The following NRXN1 variants were observed in gnomAD, a reference collection of about 807,000 sequenced individuals.
The protein encoded by NRXN1 is neurexin 1, also known as neurexin-1.
In NRXN1, 39 loss-of-function variants were observed where a neutral mutation model predicts 150.9. The observed-to-expected ratio is 0.26, with a 90% CI of 0.20 to 0.34. The LOEUF (loss-of-function observed/expected upper bound fraction) is 0.34. Ranked by LOEUF, NRXN1 falls within the 10% of genes least tolerant of loss-of-function variation. The probability of loss-of-function intolerance (pLI) is 1.00; values close to 1 mark genes in which losing one functional copy is unlikely to be tolerated. For missense variants in NRXN1, 1,815 were observed against 1,949.9 expected (o/e 0.93, Z 1.30); for synonymous variants, 924 against 757.0 (o/e 1.22, Z -3.62).
intron 5 of NRXN1, among the ~76,000 whole-genome samples, chr2:50,743,687 C>T (rs1386810472): frequency 6.6e-6 from 1 of 152,140 alleles, no homozygotes; most frequent in Admixed American, 6.5e-5. Flanking sequence ...ATCACGTGAT[C>T]TTTTAAACCC....
chr2:50,608,360 T>C (rs191939526), intron 8 of NRXN1, among the ~76,000 whole-genome samples: 1 of 152,286 alleles, frequency 6.6e-6, no homozygotes, highest in East Asian at 1.9e-4. Flanking sequence ...GTAGACTCTT[T>C]CAGTAGATCA....
chr2:50,570,116 T>C (rs889683749), intron 8 of NRXN1, among the ~76,000 whole-genome samples: 3 of 152,184 alleles, frequency 2.0e-5, no homozygotes, highest in Admixed American at 6.5e-5. Flanking sequence ...AATATTTCTA[T>C]TGATATTTTG....
At chr2:50,745,547 G>A (rs1699922484) in intron 5 of NRXN1, among the ~76,000 whole-genome samples, 1 of 152,082 alleles carries the variant, frequency 6.6e-6, no homozygotes, top group Middle Eastern at 3.4e-3. Context: ...ACATAGTGTG[G>A]TATATTAGTT....
chr2:50,292,503 G>C (rs2073053239), intron 17 of NRXN1, among the ~76,000 whole-genome samples: 1 of 152,028 alleles, frequency 6.6e-6, no homozygotes, highest in South Asian at 2.1e-4. Context: ...TTTAACCACT[G>C]GTCAAAATGA....
At chr2:50,177,614 T>C (rs1028629299) in intron 18 of NRXN1, among the ~76,000 whole-genome samples, 1 of 152,098 alleles carries the variant, frequency 6.6e-6, no homozygotes, top group African/African-American at 2.4e-5. Flanking sequence ...TGTGGTTATT[T>C]AATCTTGCTC....
intron 17 of NRXN1, among the ~76,000 whole-genome samples, chr2:50,385,736 T>G (rs2081289928): frequency 6.6e-6 from 1 of 152,162 alleles, no homozygotes. Flanking sequence ...AACATCCTCA[T>G]GTATTTCCCA....
At chr2:50,185,511 T>C (rs1363095368) in intron 18 of NRXN1, 1 of 152,082 alleles carries the variant, frequency 6.6e-6, no homozygotes, top group Non-Finnish European at 1.5e-5. Flanking sequence ...TTTTCACCAA[T>C]AATGTAAGAG....
chr2:50,011,473 G>T (rs767191753), intron 21 of NRXN1, among the ~76,000 whole-genome samples: 1 of 152,060 alleles, frequency 6.6e-6, no homozygotes, highest in African/African-American at 2.4e-5. Flanking sequence ...ATAAGCTGAG[G>T]ACAAACATTA....
intron 12 of NRXN1, among the ~76,000 whole-genome samples, chr2:50,508,233 A>T (rs2092320345): frequency 6.6e-6 from 1 of 152,224 alleles, no homozygotes. Context: ...GAATTGCCTC[A>T]GTTATTTATA....
At chr2:50,557,187 G>C (rs1668383252) in intron 8 of NRXN1, among the ~76,000 whole-genome samples, 1 of 152,116 alleles carries the variant, frequency 6.6e-6, no homozygotes. Context: ...CAACAGAGCG[G>C]GAGTATGTGA....
chr2:50,473,062 T>G (rs1423165960), intron 15 of NRXN1, among the ~76,000 whole-genome samples: 1 of 151,908 alleles, frequency 6.6e-6, no homozygotes, highest in African/African-American at 2.4e-5. Flanking sequence ...AAATTTCTTC[T>G]TGTATCTAAA....
chr2:50,273,121 C>T (rs1429776956), intron 17 of NRXN1, among the ~76,000 whole-genome samples: 1 of 152,010 alleles, frequency 6.6e-6, no homozygotes, highest in Non-Finnish European at 1.5e-5. Context: ...GTACCATTGG[C>T]AAATATTGAA....
At chr2:50,129,325 A>C (rs1313544767) in intron 18 of NRXN1, among the ~76,000 whole-genome samples, 1 of 152,228 alleles carries the variant, frequency 6.6e-6, no homozygotes, top group Non-Finnish European at 1.5e-5. Context: ...CTCCACATAC[A>C]TTCTTTCACT....
In NRXN1 at chr2:50,229,523, G is replaced by T. The variant is rs560239581; in HGVS notation, c.3546+7266C>A. 3.4e-4 allele frequency among the ~76,000 whole-genome samples: 51 copies of T among 151,806 alleles called. 1 individual carries two copies. Among genetic ancestry groups the T allele is most frequent in the African/African-American group, 9.9e-4 (41 of 41,404 alleles). On this transcript the variant is annotated intron_variant, in intron 18 of 22. Transcript: ENST00000401669. ...GTGCTTGCATATAGTTTAAATTATT[G>T]CTCATCATTTCTTCCCGAGACACAC...
chr2:50,338,068 A>T (rs1012871691), intron 17 of NRXN1, among the ~76,000 whole-genome samples: 4 of 152,238 alleles, frequency 2.6e-5, no homozygotes, highest in African/African-American at 9.6e-5. Flanking sequence ...TAGTCCCAAG[A>T]AAAAGAATGA....
intron 17 of NRXN1, among the ~76,000 whole-genome samples, chr2:50,353,986 G>A (rs1445128980): frequency 6.6e-6 from 1 of 152,084 alleles, no homozygotes; most frequent in Non-Finnish European, 1.5e-5. Context: ...TAGTCCAGGG[G>A]AATGCCAAGG....
At chr2:50,175,903 G>A (rs1331528547) in intron 18 of NRXN1, among the ~76,000 whole-genome samples, 4 of 152,052 alleles carry the variant, frequency 2.6e-5, no homozygotes, top group Non-Finnish European at 5.9e-5. Flanking sequence ...TTCTCCTGAA[G>A]AGAAGCCATC....
chr2:50,014,076 T>C (rs1686161245), intron 21 of NRXN1, among the ~76,000 whole-genome samples: 1 of 151,974 alleles, frequency 6.6e-6, no homozygotes, highest in Admixed American at 6.6e-5. Flanking sequence ...AACAACCATG[T>C]GTCTAGACTA....
At chr2:50,446,490 TTCCC>T (rs1208346211) in intron 17 of NRXN1, among the ~76,000 whole-genome samples, 1 of 133,820 alleles carries the variant, frequency 7.5e-6, no homozygotes, top group Non-Finnish European at 1.6e-5. Flanking sequence ...CCTCCCTTCC[TTCCC>T]TCCCTCCTTC....
Sources: gnomAD v4.1 joint callset for allele counts (sites outside exome capture counted in the v4.1 genomes callset) on GRCh38, gnomAD v4.1.1 for gene constraint, MANE v1.5 for transcripts, NCBI Gene and HGNC (gene_info 2026-07-23, HGNC 2026-07-21) for gene names.